The following CRYBG3 variants were observed in gnomAD, a reference collection of about 807,000 sequenced individuals.
CRYBG3 encodes crystallin beta-gamma domain containing 3.
In CRYBG3, 127 loss-of-function variants were observed where a neutral mutation model predicts 244.2. That is an observed-to-expected ratio of 0.52 (90% confidence interval 0.45 to 0.60). The LOEUF (loss-of-function observed/expected upper bound fraction) is 0.60. CRYBG3 is among the 20% of genes least tolerant of loss of function. The pLI, the probability that CRYBG3 is intolerant of heterozygous loss-of-function variation, is 0.00. For missense variants in CRYBG3, 3,325 were observed against 3,442.5 expected (o/e 0.97, Z 0.85); for synonymous variants, 1,132 against 1,195.8 (o/e 0.95, Z 1.10).
chr3:97,822,146 C>G lies in CRYBG3; in HGVS notation c.-61C>G. The G allele has an allele frequency of 7.3e-7, 1 of 1,364,008 alleles. No homozygotes were observed. Among genetic ancestry groups the G allele is most frequent in the Non-Finnish European group, 9.5e-7 (1 of 1,054,924 alleles). 84.5% of individuals were successfully genotyped at this position (1,364,008 alleles called of 1,614,324 possible). ...CCGCGGCGCCCGGTCGGGCTCCGGG[C>G]ACCAGGCAACACCTAGGCCGTTCCC... On this transcript the variant is annotated 5_prime_UTR_variant, in exon 1 of 22. Transcript: ENST00000389622.
At chr3:97,898,438 A>G (rs1038011563) in intron 12 of CRYBG3, among the ~76,000 whole-genome samples, 1 of 152,138 alleles carries the variant, frequency 6.6e-6, no homozygotes, top group African/African-American at 2.4e-5. Flanking sequence ...TCATCATTTT[A>G]AATTTTAATG....
At chr3:97,852,508 CAG>C (rs2039000741) in intron 2 of CRYBG3, among the ~76,000 whole-genome samples, 1 of 152,094 alleles carries the variant, frequency 6.6e-6, no homozygotes, top group Non-Finnish European at 1.5e-5. Flanking sequence ...GGAAAAGAAA[CAG>C]GGAGGGTTGG....
intron 12 of CRYBG3, among the ~76,000 whole-genome samples, chr3:97,896,644 C>G (rs923475672): frequency 6.6e-6 from 1 of 152,180 alleles, no homozygotes; most frequent in South Asian, 2.1e-4. Flanking sequence ...AAGGTTATAA[C>G]CCATTGATTC....
rs2039329689 is a variant in CRYBG3 at position 97,873,461 on chromosome 3, C to T, written c.2267C>T (p.Thr756Ile). ...TCTGAAGCCAGTGGCCCTCACTTAACTGGGTTGGAGCTATTGAGCTTTGAC... is the reference window on the plus strand; with the variant it reads ...TCTGAAGCCAGTGGCCCTCACTTAATTGGGTTGGAGCTATTGAGCTTTGAC... ...PGSEASGPHLTGLELLSFDSG... is the reference protein window; with the variant it reads ...PGSEASGPHLIGLELLSFDSG... Residue 756 changes from threonine (T) to isoleucine (I), a missense_variant, in exon 4 of 22, where the codon ACT becomes ATT. Thr to Ile is a moderately conservative substitution (Grantham distance 89, BLOSUM62 -1). Around this residue, in one of 4 missense-constraint regions of CRYBG3, gnomAD observed 1,526 missense variants for 1,443.2 expected, o/e 1.06. Coordinates refer to ENST00000389622, the MANE Select transcript of CRYBG3 (RefSeq NM_153605.4). 1.3e-6 allele frequency: 2 copies of T among 1,535,428 alleles called. No individual in the cohort carries two copies. The highest frequency in any genetic ancestry group is 1.7e-6 in the Non-Finnish European group (2 of 1,146,690).
chr3:97,873,349 C>T lies in CRYBG3; in HGVS notation c.2155C>T (p.Pro719Ser). Residue 719 changes from proline (P) to serine (S), a missense_variant, in exon 4 of 22, where the codon CCT becomes TCT. By Grantham distance (74) the Pro-to-Ser change is moderately conservative. Coordinates refer to ENST00000389622, the MANE Select transcript of CRYBG3 (RefSeq NM_153605.4). ...GGCTGCAGGCAGGAAGAGTCCTCCT[C>T]CTTCCTTTTGCCTTGAATATACATC... is the stretch of plus-strand genomic sequence containing the variant. ...VEAAGRKSPPPSFCLEYTSAI... is the reference protein window; with the variant it reads ...VEAAGRKSPPSSFCLEYTSAI... The T allele has an allele frequency of 6.5e-7, 1 of 1,535,884 alleles. No homozygotes were observed. Among genetic ancestry groups the T allele is most frequent in the Non-Finnish European group, 8.7e-7 (1 of 1,146,746 alleles).
At chr3:97,918,749 C>T (rs1034539343) in intron 17 of CRYBG3, among the ~76,000 whole-genome samples, 13 of 152,192 alleles carry the variant, frequency 8.5e-5, no homozygotes, top group African/African-American at 3.1e-4. Flanking sequence ...TTTAGATACA[C>T]TTTTGATATA....
intron 1 of CRYBG3, among the ~76,000 whole-genome samples, chr3:97,825,471 A>G (rs2038565833): frequency 6.6e-6 from 1 of 152,206 alleles, no homozygotes. Flanking sequence ...TATCATGTAA[A>G]TCTCACACTC....
intron 8 of CRYBG3, among the ~76,000 whole-genome samples, chr3:97,887,661 C>T (rs759163898): frequency 4.6e-5 from 7 of 152,164 alleles, no homozygotes; most frequent in Non-Finnish European, 1.0e-4. Flanking sequence ...GAGGCTGAGG[C>T]AGGAGAATCG....
At chr3:97,920,899 T>A (rs1024792931) in intron 17 of CRYBG3, among the ~76,000 whole-genome samples, 2 of 152,194 alleles carry the variant, frequency 1.3e-5, no homozygotes, top group African/African-American at 4.8e-5. Flanking sequence ...AGCCTCATTC[T>A]GTCTTTCTAA....
intron 1 of CRYBG3, among the ~76,000 whole-genome samples, chr3:97,831,754 T>A (rs1267220554): frequency 6.6e-6 from 1 of 152,112 alleles, no homozygotes; most frequent in Non-Finnish European, 1.5e-5. Context: ...AAGATAACAT[T>A]TGAAATGTTC....
chr3:97,880,883 T>C (rs1226538798), intron 6 of CRYBG3, among the ~76,000 whole-genome samples, 189 bp from the exon 7 acceptor site: 1 of 152,246 alleles, frequency 6.6e-6, no homozygotes, highest in Admixed American at 6.5e-5. Flanking sequence ...ATATGCACTT[T>C]TATTTTTTCT....
At chr3:97,865,691 T>G (rs1164899947) in intron 3 of CRYBG3, among the ~76,000 whole-genome samples, 1 of 152,326 alleles carries the variant, frequency 6.6e-6, no homozygotes, top group East Asian at 1.9e-4. Flanking sequence ...ATATACTCTC[T>G]TATATGTAAT....
At position 97,874,709 on chromosome 3, in the gene CRYBG3, C is replaced by G. The variant is rs2108216750; in HGVS notation, c.3515C>G (p.Ser1172Cys). 6.5e-7 allele frequency: 1 copy of G among 1,535,656 alleles called. No individual in the cohort carries two copies. Among genetic ancestry groups the G allele is most frequent in the Middle Eastern group, 1.7e-4 (1 of 5,986 alleles). ...GTTAACAGCTCAGGCCAACAGTGTT[C>G]TGAAGCCTCTGCTGAGCACATAGAA... ...ASVNSSGQQC[S>C]EASAEHIEAR... Residue 1172 changes from serine to cysteine, a missense_variant, in exon 4 of 22, where the codon TCT (serine) becomes TGT (cysteine). This residue lies in a region of CRYBG3 where 1,526 missense variants were observed against 1,443.2 expected (regional missense o/e 1.06). Transcript: ENST00000389622.
In CRYBG3 at chr3:97,866,588, G is replaced by A. The variant is rs141707129; in HGVS notation, c.647+1941G>A. 4.2e-3 allele frequency among the ~76,000 whole-genome samples: 640 copies of A among 152,188 alleles called. 7 individuals are homozygous for A. Among genetic ancestry groups the A allele is most frequent in the African/African-American group, 0.015 (616 of 41,514 alleles). On this transcript the variant is annotated intron_variant, in intron 3 of 21. Coordinates refer to ENST00000389622, the MANE Select transcript of CRYBG3 (RefSeq NM_153605.4). Reference sequence around the variant, plus strand: ...CTTTAGATGATTGTTTTGCTTGCTCGCATTTGACATCTAGCATTTTAAAGT... The same window carrying A: ...CTTTAGATGATTGTTTTGCTTGCTCACATTTGACATCTAGCATTTTAAAGT...
At chr3:97,920,134 A>G (rs558522349) in intron 17 of CRYBG3, among the ~76,000 whole-genome samples, 1 of 152,324 alleles carries the variant, frequency 6.6e-6, no homozygotes, top group Non-Finnish European at 1.5e-5. Context: ...GATGCATTTT[A>G]TATTTATTCA....
rs150401057 is a variant in CRYBG3 at position 97,865,552 on chromosome 3, A to G, written c.647+905A>G. 3.8e-3 allele frequency among the ~76,000 whole-genome samples: 584 copies of G among 152,298 alleles called. 6 individuals are homozygous for G. The highest frequency in any genetic ancestry group is 0.013 in the African/African-American group (550 of 41,570). Reference sequence around the variant, plus strand: ...AAATTAGATTAGAGTTTGTCCATCAAGAATAATGTTGTGGGGCTTGTTCAA... The same window carrying G: ...AAATTAGATTAGAGTTTGTCCATCAGGAATAATGTTGTGGGGCTTGTTCAA... On this transcript the variant is annotated intron_variant, in intron 3 of 21. Transcript: ENST00000389622.
At chr3:97,858,165 GT>G (rs71113873) in intron 2 of CRYBG3, among the ~76,000 whole-genome samples, 124,628 of 139,778 alleles carry the variant, frequency 0.89, 55,442 homozygotes, top group South Asian at 0.96. Flanking sequence ...TTTTAGTTGA[GT>G]TTTTTTTTTT....
intron 16 of CRYBG3, among the ~76,000 whole-genome samples, chr3:97,915,223 G>T (rs892875676): frequency 6.6e-6 from 1 of 152,080 alleles, no homozygotes; most frequent in African/African-American, 2.4e-5. Flanking sequence ...TAAATAAAAA[G>T]AATGTCTTTA....
At chr3:97,893,722 C>T (rs1294335530) in intron 11 of CRYBG3, among the ~76,000 whole-genome samples, 3 of 152,160 alleles carry the variant, frequency 2.0e-5, no homozygotes, top group South Asian at 2.1e-4. Flanking sequence ...TATTTTGGAA[C>T]GTTAGTTTGT....
Sources: allele counts gnomAD v4.1 joint callset (sites outside exome capture counted in the v4.1 genomes callset), GRCh38; gene constraint gnomAD v4.1.1; regional missense constraint gnomAD v4.1.1; transcripts MANE v1.5; gene names NCBI Gene and HGNC (gene_info 2026-07-23, HGNC 2026-07-21).